The following SNX29 variants were observed in gnomAD, a reference collection of about 807,000 sequenced individuals.
SNX29 encodes the protein sorting nexin-29.
Under a neutral mutation model 102.1 loss-of-function variants are expected in SNX29, and 78 were observed. The ratio of observed to expected loss-of-function variants is 0.76; its 90% CI spans 0.64 to 0.92. The LOEUF (loss-of-function observed/expected upper bound fraction) is 0.92, where lower values mean the gene tolerates loss of function less well. SNX29 is among the 40% of genes least tolerant of loss of function. SNX29 has a pLI of 0.00. For missense variants in SNX29, 1,280 were observed against 1,061.7 expected, an observed-to-expected ratio of 1.21 and a Z score of -2.86; for synonymous variants, 580 against 414.5, an observed-to-expected ratio of 1.40 and a Z score of -4.85.
In SNX29 at chr16:12,572,374, G is replaced by A; in HGVS notation, c.*3745G>A. The A allele has an allele frequency of 1.4e-5, 15 of 1,063,128 alleles. No individual in the cohort carries two copies. The highest frequency in any genetic ancestry group is 1.6e-5 in the Non-Finnish European group (14 of 877,874). The allele number at this position is 1,063,128 out of a possible 1,614,324, so 65.9% of individuals were successfully genotyped here. ...TGGACAGCAGGCTCTGCCTTCTGGA[G>A]GCGGCTTATATCCCAACAGCCTGAG... On this transcript the variant is annotated 3_prime_UTR_variant, in exon 21 of 21. Coordinates refer to ENST00000566228, the MANE Select transcript of SNX29 (RefSeq NM_032167.5).
At position 11,987,403 on chromosome 16, in the gene SNX29, C is replaced by A. The variant is rs568776671; in HGVS notation, c.7+10590C>A. On this transcript the variant is annotated intron_variant, in intron 1 of 20. Coordinates refer to ENST00000566228, the MANE Select transcript of SNX29 (RefSeq NM_032167.5). ...TTTTTGAACTTCTCTGACTTTTACTCTTTTTTTTTTTTTTTTTTGAGACAG... is the reference window on the plus strand; with the variant it reads ...TTTTTGAACTTCTCTGACTTTTACTATTTTTTTTTTTTTTTTTTGAGACAG... Among the ~76,000 whole-genome samples the A allele has an allele frequency of 3.7e-3, 401 of 107,290 alleles. 1 individual carries two copies. The highest frequency in any genetic ancestry group is 5.8e-3 in the Non-Finnish European group (297 of 51,132). 70.4% of individuals were successfully genotyped at this position (107,290 alleles called of 152,430 possible).
intron 14 of SNX29, among the ~76,000 whole-genome samples, chr16:12,208,421 A>T (rs1481542351): frequency 2.6e-5 from 4 of 152,208 alleles, no homozygotes; most frequent in Non-Finnish European, 5.9e-5. Flanking sequence ...TCTCAGAAGG[A>T]ATGCCTGATA....
chr16:12,042,331 A>T (rs1445100263), intron 4 of SNX29, among the ~76,000 whole-genome samples: 1 of 152,156 alleles, frequency 6.6e-6, no homozygotes, highest in East Asian at 1.9e-4. Context: ...TCCCAGCTTC[A>T]ATTTTTATTT....
intron 15 of SNX29, among the ~76,000 whole-genome samples, chr16:12,288,126 T>A (rs1481957476): frequency 6.6e-6 from 1 of 152,128 alleles, no homozygotes; most frequent in East Asian, 1.9e-4. Flanking sequence ...AGGTCAAGGC[T>A]GCAGTGAGCT....
chr16:12,174,249 G>A (rs373720435), intron 13 of SNX29, among the ~76,000 whole-genome samples: 65 of 152,280 alleles, frequency 4.3e-4, no homozygotes, highest in South Asian at 2.3e-3. Context: ...TAGCTAGAGC[G>A]TCTCCCCTGT....
At chr16:12,545,959 A>G (rs1349375419) in intron 20 of SNX29, among the ~76,000 whole-genome samples, 1 of 152,204 alleles carries the variant, frequency 6.6e-6, no homozygotes. Context: ...AACTAAGGGC[A>G]GGATGTGTGC....
chr16:12,410,659 C>G (rs1227713769), intron 18 of SNX29, among the ~76,000 whole-genome samples: 2 of 151,976 alleles, frequency 1.3e-5, no homozygotes, highest in South Asian at 2.1e-4. Flanking sequence ...GTCTGTAACT[C>G]CTGGTCTCAA....
intron 15 of SNX29, among the ~76,000 whole-genome samples, chr16:12,300,884 T>C (rs73506162): frequency 0.054 from 8,278 of 152,166 alleles, 669 homozygotes; most frequent in African/African-American, 0.17. Flanking sequence ...ATCCCAGTTG[T>C]GATCACCAAA....
At chr16:12,549,463 C>T (rs970134979) in intron 20 of SNX29, among the ~76,000 whole-genome samples, 1 of 150,024 alleles carries the variant, frequency 6.7e-6, no homozygotes, top group African/African-American at 2.5e-5. Context: ...CCATTGAACT[C>T]CAGCGTGGGC....
chr16:12,337,284 A>G (rs1296773950), intron 15 of SNX29, among the ~76,000 whole-genome samples: 1 of 151,762 alleles, frequency 6.6e-6, no homozygotes, highest in African/African-American at 2.4e-5. Context: ...AGCTATATTG[A>G]GGTATAAATG....
At position 12,439,796 on chromosome 16, in the gene SNX29, A is replaced by G. The variant is rs10048081; in HGVS notation, c.2037+36267A>G. ...TTGCCTCTCTGAGACTCAGTTTCCC[A>G]CTTTTCTGCTAGGGCAGTAGTACAC... On this transcript the variant is annotated intron_variant, in intron 18 of 20. Coordinates refer to ENST00000566228, the MANE Select transcript of SNX29 (RefSeq NM_032167.5). Among the ~76,000 whole-genome samples, 3 of 152,202 alleles carry G rather than the reference A, an allele frequency of 2.0e-5. No individual in the cohort carries two copies. In the South Asian group the frequency reaches 6.2e-4, roughly 32 times the overall value.
intron 13 of SNX29, among the ~76,000 whole-genome samples, chr16:12,145,437 C>G (rs1443926008): frequency 6.6e-6 from 1 of 151,340 alleles, no homozygotes; most frequent in Non-Finnish European, 1.5e-5. Context: ...ATTTTTTTTC[C>G]CTGTTCATAA....
intron 20 of SNX29, among the ~76,000 whole-genome samples, chr16:12,548,765 C>T (rs925416048): frequency 2.0e-5 from 3 of 152,186 alleles, no homozygotes; most frequent in South Asian, 2.1e-4. Context: ...GCTCATCTCT[C>T]ATCCCCCAGC....
intron 11 of SNX29, among the ~76,000 whole-genome samples, chr16:12,110,451 C>T (rs1242553893): frequency 6.6e-6 from 1 of 152,138 alleles, no homozygotes; most frequent in Admixed American, 6.5e-5. Context: ...AGACCATAGA[C>T]TGTGATGAAC....
intron 15 of SNX29, among the ~76,000 whole-genome samples, chr16:12,286,587 C>T (rs765757376): frequency 1.3e-5 from 2 of 152,058 alleles, no homozygotes; most frequent in Non-Finnish European, 2.9e-5. Flanking sequence ...CCTCATGATC[C>T]ACCCGCCTTG....
At position 12,006,144 on chromosome 16, in the gene SNX29, C is replaced by T. The variant is rs565525032; in HGVS notation, c.122+3101C>T. On this transcript the variant is annotated intron_variant, in intron 3 of 20. Transcript: ENST00000566228. ...GCTTGAGGCCAGGAGTTCAAGGCTG[C>T]GGTGAGCTATGATCGTGCCATTGCA... 8.0e-4 allele frequency among the ~76,000 whole-genome samples: 121 copies of T among 151,248 alleles called. 3 individuals are homozygous for T. The South Asian group carries it at 0.014, about 18-fold the overall frequency.
chr16:12,468,169 C>CTTT (rs59089512), intron 18 of SNX29, among the ~76,000 whole-genome samples: 7 of 92,702 alleles, frequency 7.6e-5, no homozygotes, highest in Non-Finnish European at 1.5e-4. Flanking sequence ...ACTCTGACTC[C>CTTT]TTTTTTTTTT....
chr16:12,224,378 C>T (rs919212989), intron 14 of SNX29, among the ~76,000 whole-genome samples: 7 of 152,144 alleles, frequency 4.6e-5, no homozygotes, highest in African/African-American at 7.2e-5. Context: ...CGGTGGATGC[C>T]ATGATGCAGA....
intron 18 of SNX29, among the ~76,000 whole-genome samples, chr16:12,454,698 G>A (rs939632269): frequency 2.6e-5 from 4 of 152,094 alleles, no homozygotes; most frequent in Admixed American, 6.6e-5. Flanking sequence ...TTGGAGGAAT[G>A]AATTTATTTA....
Sources: allele counts gnomAD v4.1 joint callset (sites outside exome capture counted in the v4.1 genomes callset), GRCh38; gene constraint gnomAD v4.1.1; transcripts MANE v1.5; gene names NCBI Gene and HGNC (gene_info 2026-07-23, HGNC 2026-07-21).